DMD: variants seen among roughly 807,000 people sequenced by gnomAD.
DMD encodes dystrophin, also known as mutant dystrophin.
Under a neutral mutation model 330.1 loss-of-function variants are expected in DMD, and 63 were observed. That is an observed-to-expected ratio of 0.19 (90% CI 0.16 to 0.24). The LOEUF is 0.24. DMD is among the 10% of genes least tolerant of loss of function. The pLI is 1.00. For synonymous variants in DMD, 1,223 were observed against 959.8 expected (o/e 1.27, Z -5.07); for missense variants, 3,344 against 2,684.1 (o/e 1.25, Z -5.43).
intron 34 of DMD, among the ~76,000 whole-genome samples, chrX:32,368,687 T>A (rs754100330): frequency 9.0e-6 from 1 of 111,167 alleles, no homozygotes; most frequent in African/African-American, 3.3e-5. Context: ...AGCTCCTTAT[T>A]TATAGGGTTG....
intron 44 of DMD, among the ~76,000 whole-genome samples, chrX:32,127,048 T>C (rs984019451): frequency 2.7e-5 from 3 of 111,770 alleles, no homozygotes; most frequent in African/African-American, 9.8e-5. Context: ...GATCTTCCTT[T>C]GTGACAGTGA....
chrX:32,169,925 A>C (rs1483576021), intron 44 of DMD, among the ~76,000 whole-genome samples: 1 of 111,984 alleles, frequency 8.9e-6, no homozygotes, highest in Non-Finnish European at 1.9e-5. Context: ...AAGAAAAAAA[A>C]CTCACTGTCT....
chrX:32,361,461 G>T (rs181250555), intron 37 of DMD, among the ~76,000 whole-genome samples: 1 of 111,709 alleles, frequency 9.0e-6, no homozygotes, highest in Non-Finnish European at 1.9e-5. Context: ...TGTATGGAGA[G>T]AGAGAGTACA....
At chrX:32,604,468 C>T (rs2056506467) in intron 12 of DMD, among the ~76,000 whole-genome samples, 1 of 109,171 alleles carries the variant, frequency 9.2e-6, no homozygotes, top group African/African-American at 3.3e-5. Flanking sequence ...ATGTTGAGAG[C>T]ACCCCCCTCC....
intron 44 of DMD, among the ~76,000 whole-genome samples, chrX:32,210,442 C>T (rs2097089407): frequency 8.9e-6 from 1 of 112,011 alleles, no homozygotes; most frequent in African/African-American, 3.2e-5. Context: ...ATTTTTCCAT[C>T]AAAGTTTCTA....
chrX:32,047,424 T>C (rs2096071788), intron 44 of DMD, among the ~76,000 whole-genome samples: 1 of 112,198 alleles, frequency 8.9e-6, no homozygotes, highest in Non-Finnish European at 1.9e-5. Context: ...GATTTAGTTT[T>C]AACAATAGTG....
intron 64 of DMD, among the ~76,000 whole-genome samples, chrX:31,218,471 C>T (rs995256918): frequency 5.4e-5 from 6 of 111,341 alleles, no homozygotes; most frequent in Non-Finnish European, 9.4e-5. Flanking sequence ...CCAGCTATGA[C>T]GTATTAACAG....
At chrX:31,897,837 G>A (rs1478546332) in intron 47 of DMD, among the ~76,000 whole-genome samples, 3 of 109,560 alleles carry the variant, frequency 2.7e-5, no homozygotes, top group Admixed American at 9.8e-5. Flanking sequence ...TTTATCAGAT[G>A]AGTAGGTTGC....
chrX:31,440,253 T>G (rs1366252000), intron 60 of DMD, among the ~76,000 whole-genome samples: 3 of 109,330 alleles, frequency 2.7e-5, no homozygotes, highest in African/African-American at 1.0e-4. Flanking sequence ...GTTCAAGCGA[T>G]TCTCCTGCCT....
intron 1 of DMD, among the ~76,000 whole-genome samples, chrX:33,307,038 A>G (rs1293794063): frequency 2.7e-5 from 3 of 111,821 alleles, no homozygotes; most frequent in Non-Finnish European, 5.6e-5. Context: ...TTTTAATAAC[A>G]ACATTGATTA....
intron 27 of DMD, among the ~76,000 whole-genome samples, chrX:32,443,925 A>C (rs2098292754): frequency 9.0e-6 from 1 of 111,601 alleles, no homozygotes; most frequent in South Asian, 3.7e-4. Context: ...AATACATGTT[A>C]AAATACAAAG....
At chrX:33,122,155 G>T in intron 1 of DMD, among the ~76,000 whole-genome samples, 1 of 112,098 alleles carries the variant, frequency 8.9e-6, no homozygotes, top group South Asian at 3.7e-4. Context: ...GAGCCTGGAG[G>T]TGGAGGTTGC....
At chrX:31,451,135 TCTTC>T (rs1204624690) in intron 59 of DMD, among the ~76,000 whole-genome samples, 4 of 108,764 alleles carry the variant, frequency 3.7e-5, no homozygotes, top group African/African-American at 6.7e-5. Context: ...TCTTTTCTTT[TCTTC>T]CTTCCTTCCT....
At position 32,400,969 on chromosome X, in the gene DMD, G is replaced by T. The variant is rs375083860; in HGVS notation, c.4233+10783C>A. Reference sequence around the variant, plus strand: ...ATGATACAATGGATTTAGAAAATGTGGCACATATACACCTTGGAATACTAT... The same window carrying T: ...ATGATACAATGGATTTAGAAAATGTTGCACATATACACCTTGGAATACTAT... On this transcript the variant is annotated intron_variant, in intron 30 of 78. Transcript: ENST00000357033. Among the ~76,000 whole-genome samples the T allele has an allele frequency of 4.1e-3, 451 of 110,799 alleles. 2 individuals are homozygous for T. The highest frequency in any genetic ancestry group is 0.014 in the African/African-American group (422 of 30,459).
intron 4 of DMD, among the ~76,000 whole-genome samples, chrX:32,840,513 T>G (rs1177185909): frequency 9.0e-6 from 1 of 111,285 alleles, no homozygotes; most frequent in Non-Finnish European, 1.9e-5. Context: ...TTTCTTACAG[T>G]AAATACACAT....
At chrX:32,369,403 A>G (rs932205233) in intron 34 of DMD, among the ~76,000 whole-genome samples, 1 of 111,621 alleles carries the variant, frequency 9.0e-6, no homozygotes, top group African/African-American at 3.3e-5. Context: ...AGAAATTTAA[A>G]AAGGCATGTT....
At position 32,774,822 on chromosome X, in the gene DMD, AAC is replaced by A. The variant is rs201803108; in HGVS notation, c.649+34669_649+34670del. Among the ~76,000 whole-genome samples, 619 of 110,234 alleles carry A rather than the reference AAC, an allele frequency of 5.6e-3. 2 individuals are homozygous for A. The highest frequency in any genetic ancestry group is 0.02 in the African/African-American group (601 of 30,491). On this transcript the variant is annotated intron_variant, in intron 7 of 78. Coordinates refer to ENST00000357033, the MANE Select transcript of DMD (RefSeq NM_004006.3). Reference sequence around the variant, plus strand: ...CAAGCCTCATGTCATCACATTTCAAAACACAGTCATGCCTTCCCAACAGTCTC... The same window carrying A: ...CAAGCCTCATGTCATCACATTTCAAAACAGTCATGCCTTCCCAACAGTCTC...
At chrX:32,661,738 G>C (rs2060961473) in intron 9 of DMD, among the ~76,000 whole-genome samples, 1 of 110,845 alleles carries the variant, frequency 9.0e-6, no homozygotes, top group Non-Finnish European at 1.9e-5. Context: ...TAATATGATT[G>C]TATATGGCAT....
intron 44 of DMD, among the ~76,000 whole-genome samples, chrX:32,041,482 C>A (rs938948012): frequency 7.1e-5 from 8 of 112,216 alleles, no homozygotes; most frequent in Middle Eastern, 4.6e-3. Flanking sequence ...TTCTTAAAAA[C>A]CTTCTGCTTT....
Sources: gnomAD v4.1 joint callset for allele counts (sites outside exome capture counted in the v4.1 genomes callset) on GRCh38, gnomAD v4.1.1 for gene constraint, MANE v1.5 for transcripts, NCBI Gene and HGNC (gene_info 2026-07-23, HGNC 2026-07-21) for gene names.